The following ATP13A4 variants were observed in gnomAD, a reference collection of about 807,000 sequenced individuals.
ATP13A4 encodes probable cation-transporting ATPase 13A4.
Under a neutral mutation model 142.5 loss-of-function variants are expected in ATP13A4, and 114 were observed. The observed-to-expected ratio is 0.80, with a 90% CI of 0.69 to 0.93. ATP13A4 has a LOEUF of 0.93. Ranked by LOEUF, ATP13A4 falls within the 40% of genes least tolerant of loss-of-function variation. The pLI is 0.00. For synonymous variants in ATP13A4, 488 were observed against 514.8 expected, an observed-to-expected ratio of 0.95 and a Z score of 0.70; for missense variants, 1,392 against 1,454.0, an observed-to-expected ratio of 0.96 and a Z score of 0.69.
chr3:193,546,902 G>A (rs530688962), intron 1 of ATP13A4, among the ~76,000 whole-genome samples: 73 of 152,338 alleles, frequency 4.8e-4, no homozygotes, highest in African/African-American at 1.7e-3. Context: ...ATTACTATGT[G>A]TAAAGTTCTT....
intron 25 of ATP13A4, among the ~76,000 whole-genome samples, chr3:193,431,602 CATGTGT>C (rs1204662399): frequency 6.9e-6 from 1 of 145,348 alleles, no homozygotes; most frequent in African/African-American, 2.7e-5. Context: ...TCTATATATG[CATGTGT>C]GTGTGTGTGT....
Position 193,502,553 on chromosome 3 carries a change from G to T in ATP13A4, c.321C>A (p.His107Gln). 6.2e-7 allele frequency: 1 copy of T among 1,613,578 alleles called. No individual in the cohort carries two copies. Among genetic ancestry groups the T allele is most frequent in the Non-Finnish European group, 8.5e-7 (1 of 1,179,494 alleles). The change falls in exon 3 of 30, where the codon CAC becomes CAA. Residue 107 changes from histidine (H) to glutamine (Q), a missense_variant. Physicochemically the swap from His to Gln is conservative, Grantham distance 24. Transcript: ENST00000342695. ...TATACTCCTCATCTGTCATGAGAGG[G>T]TGGTCAGGAGTGAGACCAAATGCGC... Reference protein sequence around the residue: ...LNSAFGLTPDHPLMTDEEYII... With the variant: ...LNSAFGLTPDQPLMTDEEYII...
At chr3:193,575,541 A>G (rs1041783160) in intron 2 of ATP13A4, among the ~76,000 whole-genome samples, 1 of 152,212 alleles carries the variant, frequency 6.6e-6, no homozygotes, top group African/African-American at 2.4e-5. Flanking sequence ...AAACGTGGCC[A>G]GGGAACAGAG....
intron 1 of ATP13A4, among the ~76,000 whole-genome samples, chr3:193,592,122 T>C (rs1724822727): frequency 8.6e-6 from 1 of 116,938 alleles, no homozygotes; most frequent in South Asian, 3.2e-4. Flanking sequence ...TGTGTATTTG[T>C]GTATGTGTGT....
At chr3:193,490,168 A>G (rs1194491389) in intron 6 of ATP13A4, among the ~76,000 whole-genome samples, 1 of 152,216 alleles carries the variant, frequency 6.6e-6, no homozygotes, top group African/African-American at 2.4e-5. Flanking sequence ...TGATTGCCAC[A>G]GACCCAAGAC....
intron 25 of ATP13A4, among the ~76,000 whole-genome samples, chr3:193,429,507 C>T (rs1306677025): frequency 6.6e-6 from 1 of 151,918 alleles, no homozygotes; most frequent in East Asian, 1.9e-4. Flanking sequence ...ATGGATTATA[C>T]TAAAGAAACC....
intron 17 of ATP13A4, among the ~76,000 whole-genome samples, chr3:193,450,044 A>G (rs2108630111): frequency 6.6e-6 from 1 of 151,888 alleles, no homozygotes; most frequent in East Asian, 1.9e-4. Context: ...GCTTGAAGCC[A>G]GGAGGTGGAG....
rs189929439 is a variant in ATP13A4 at position 193,499,649 on chromosome 3, T to C, written c.381+2844A>G. Among the ~76,000 whole-genome samples the C allele has an allele frequency of 1.8e-4, 27 of 152,268 alleles. No homozygotes were observed. In the East Asian group the frequency reaches 5.0e-3, roughly 28 times the overall value. The stretch of plus-strand genomic sequence containing the variant: ...CTAGTCCCAAAGGAAAATCTGAAAA[T>C]CCATTGACTTCAGGATTCAAGCTGT... On this transcript the variant is annotated intron_variant, in intron 3 of 29. Coordinates refer to ENST00000342695, the MANE Select transcript of ATP13A4 (RefSeq NM_032279.4).
chr3:193,544,915 C>T (rs1667519758), intron 1 of ATP13A4, among the ~76,000 whole-genome samples: 1 of 151,944 alleles, frequency 6.6e-6, no homozygotes, highest in Admixed American at 6.6e-5. Context: ...TTCTTAGATG[C>T]CAGATTTGGG....
chr3:193,514,827 G>T lies in ATP13A4; in HGVS notation c.105C>A (p.Cys35Ter). ...YRTQGCRKSLCLAGSIFSFGI... is the reference protein window; with the variant it reads ...YRTQGCRKSL Reference sequence around the variant, plus strand: ...CAAATGAGAAGATGGATCCGGCAAGGCAGAGACTTTTCCGGCAGCCTTGAG... The same window carrying T: ...CAAATGAGAAGATGGATCCGGCAAGTCAGAGACTTTTCCGGCAGCCTTGAG... Residue 35 changes from cysteine to a stop codon, truncating the protein, a stop_gained, in exon 2 of 30, where the codon TGC (cysteine) becomes TGA (stop). Coordinates refer to ENST00000342695, the MANE Select transcript of ATP13A4 (RefSeq NM_032279.4). LOFTEE classifies it high-confidence loss of function. 1 of 1,614,198 alleles carries T rather than the reference G, an allele frequency of 6.2e-7. No individual in the cohort carries two copies. Among genetic ancestry groups the T allele is most frequent in the Non-Finnish European group, 8.5e-7 (1 of 1,180,030 alleles).
At chr3:193,485,653 C>A (rs1452375090) in intron 7 of ATP13A4, among the ~76,000 whole-genome samples, 1 of 152,060 alleles carries the variant, frequency 6.6e-6, no homozygotes, top group Non-Finnish European at 1.5e-5. Flanking sequence ...GAATGTGACC[C>A]AAAATTCCTA....
chr3:193,469,368 G>A (rs1718484239), intron 9 of ATP13A4, among the ~76,000 whole-genome samples: 1 of 152,220 alleles, frequency 6.6e-6, no homozygotes, highest in Non-Finnish European at 1.5e-5. Context: ...GCTCATGCCT[G>A]TAATGTCAGC....
Position 193,448,340 on chromosome 3 carries a change from C to CATATATAG in ATP13A4, c.2028-18_2028-11dup, listed in dbSNP as rs1717076958. On this transcript the variant is annotated splice_polypyrimidine_tract_variant and intron_variant, in intron 17 of 29. Transcript: ENST00000342695. Reference sequence around the variant, plus strand: ...TGATTCTACCGTCTCCCTGAAAATACATATATAGATGTATTGAACAGAAAT... The same window carrying CATATATAG: ...TGATTCTACCGTCTCCCTGAAAATACATATATAGATATATAGATGTATTGAACAGAAAT... The CATATATAG allele has an allele frequency of 1.9e-6, 3 of 1,613,380 alleles. No individual in the cohort carries two copies. Among genetic ancestry groups the CATATATAG allele is most frequent in the Middle Eastern group, 3.3e-4 (2 of 6,076 alleles).
upstream of ATP13A4, among the ~76,000 whole-genome samples, chr3:193,555,467 T>C (rs1266737813): frequency 6.6e-6 from 1 of 152,250 alleles, no homozygotes; most frequent in Admixed American, 6.5e-5. Context: ...TTTACTTTTT[T>C]GAAACACATG....
chr3:193,428,504 T>C (rs1258292682), intron 25 of ATP13A4, among the ~76,000 whole-genome samples: 2 of 151,988 alleles, frequency 1.3e-5, no homozygotes, highest in African/African-American at 2.4e-5. Context: ...ATGTTTATTG[T>C]GGCACTATTC....
rs1489004906 is a variant in ATP13A4 at position 193,474,664 on chromosome 3, AAAG to A, written c.809-3674_809-3672del. On this transcript the variant is annotated intron_variant, in intron 8 of 29. Transcript: ENST00000342695. The stretch of plus-strand genomic sequence containing the variant: ...GAAAGAAAGGAAGAAAGAAAGAAAG[AAAG>A]AAAAAGAAAGAAAAAAGAAAGAAAA... Among the ~76,000 whole-genome samples, 43 of 150,180 alleles carry A rather than the reference AAAG, an allele frequency of 2.9e-4. 1 individual carries two copies. The highest frequency in any genetic ancestry group is 1.1e-3 in the African/African-American group (43 of 40,390).
intron 2 of ATP13A4, among the ~76,000 whole-genome samples, chr3:193,507,812 C>T (rs1378670678): frequency 1.3e-5 from 2 of 152,072 alleles, no homozygotes; most frequent in African/African-American, 4.8e-5. Context: ...GAACTTTACA[C>T]ATATCACATC....
At chr3:193,467,531 C>T (rs574294724) in intron 9 of ATP13A4, 45 bp from the exon 10 acceptor site, 352 of 1,586,574 alleles carry the variant, frequency 2.2e-4, no homozygotes, top group Non-Finnish European at 3.0e-4. Context: ...GATGGCTTCC[C>T]TCATTTAAAT....
intron 12 of ATP13A4, among the ~76,000 whole-genome samples, chr3:193,464,325 T>C (rs1718136425): frequency 6.6e-6 from 1 of 152,184 alleles, no homozygotes; most frequent in South Asian, 2.1e-4. Flanking sequence ...TTCCATCTTA[T>C]TCTCTCACAA....
Sources: gnomAD v4.1 joint callset for allele counts (sites outside exome capture counted in the v4.1 genomes callset) on GRCh38, gnomAD v4.1.1 for gene constraint, MANE v1.5 for transcripts, NCBI Gene and HGNC (gene_info 2026-07-23, HGNC 2026-07-21) for gene names.